Variants in MAST3 observed in about 807,000 individuals in gnomAD.
MAST3 encodes the protein microtubule associated serine/threonine kinase 3.
A neutral mutation model predicts 127.0 loss-of-function variants in MAST3; 43 were observed. The ratio of observed to expected loss-of-function variants is 0.34; its 90% CI spans 0.27 to 0.44. The LOEUF is 0.44. MAST3 is among the 20% of genes least tolerant of loss of function. The pLI, the probability that MAST3 is intolerant of heterozygous loss-of-function variation, is 1.00. For missense variants in MAST3, 1,390 were observed against 1,919.1 expected, an observed-to-expected ratio of 0.72 and a Z score of 5.15; for synonymous variants, 785 against 809.2, an observed-to-expected ratio of 0.97 and a Z score of 0.51.
In MAST3 at chr19:18,150,325, G is replaced by GC. The variant is rs2043449843; in HGVS notation, c.*604dup. ...TTATAAGCGATAGCCGTACTGAGCC[G>GC]CCCCCTGAAGGCGGCTGCCAGGTCT... On this transcript the variant is annotated 3_prime_UTR_variant, in exon 28 of 28. Transcript: ENST00000687212. 2 of 152,336 alleles carry GC rather than the reference G, an allele frequency of 1.3e-5. No homozygotes were observed. The highest frequency in any genetic ancestry group is 4.1e-4 in the South Asian group (2 of 4,842). The allele number at this position is 152,336 out of a possible 1,614,324, so 9.4% of individuals were successfully genotyped here.
chr19:18,144,109 C>T lies in MAST3; in HGVS notation c.2584+102C>T, dbSNP rs754142912. On this transcript the variant is annotated intron_variant, in intron 22 of 27. Coordinates refer to ENST00000687212, the MANE Select transcript of MAST3 (RefSeq NM_001393504.1). This position sits in a 1 kb window ranked among gnomAD's most constrained non-coding sequence, Gnocchi z 4.0. The stretch of plus-strand genomic sequence containing the variant: ...AGGATGAGTAGGAGTTCTCCAGAGC[C>T]AACAAAGGCTTTAAGAGAGGAGAAG... 131 of 1,440,724 alleles carry T rather than the reference C, an allele frequency of 9.1e-5. No individual in the cohort carries two copies. The highest frequency in any genetic ancestry group is 1.2e-4 in the Non-Finnish European group (125 of 1,085,524). 89.2% of individuals were successfully genotyped at this position (1,440,724 alleles called of 1,614,324 possible).
At chr19:18,129,071 G>A in intron 13 of MAST3, 120 bp downstream of exon 13, 1 of 819,508 alleles carries the variant, frequency 1.2e-6, no homozygotes, top group Non-Finnish European at 2.0e-6. Context: ...TCCTTGAATG[G>A]GCAGAGAAGG....
chr19:18,144,998 T>C lies in MAST3; in HGVS notation c.2813-5T>C. On this transcript the variant is annotated splice_region_variant and splice_polypyrimidine_tract_variant and intron_variant, in intron 23 of 27. Coordinates refer to ENST00000687212, the MANE Select transcript of MAST3 (RefSeq NM_001393504.1). This position sits in a 1 kb window ranked among gnomAD's most constrained non-coding sequence, Gnocchi z 4.0. The stretch of plus-strand genomic sequence containing the variant: ...GTGAGTGACCCCCTCCCTAACCCCC[T>C]GCAGATGATGGCAGCGGCGGCCCCC... 7.4e-7 allele frequency: 1 copy of C among 1,353,264 alleles called. No homozygotes were observed. The highest frequency in any genetic ancestry group is 1.0e-6 in the Non-Finnish European group (1 of 952,428). The allele number at this position is 1,353,264 out of a possible 1,614,324, so 83.8% of individuals were successfully genotyped here. A position where few individuals can be genotyped will look rare whatever the true frequency, so the allele number is the denominator to read the frequency against.
Position 18,145,684 on chromosome 19 carries a change from C to T in MAST3, c.3040-59C>T, listed in dbSNP as rs2042948313. 6.7e-7 allele frequency: 1 copy of T among 1,497,984 alleles called. No individual in the cohort carries two copies. The allele number at this position is 1,497,984 out of a possible 1,614,324, so 92.8% of individuals were successfully genotyped here. ...GGTCCCACAGCAGACCCAGCCTGGG[C>T]TGGGGTCCCCAGATGTGGGGCCCAG... On this transcript the variant is annotated intron_variant, in intron 24 of 27. Transcript: ENST00000687212. The surrounding 1 kb of genome is among the most constrained non-coding windows in gnomAD (Gnocchi z 5.9).
chr19:18,127,744 G>A (rs554124047), intron 11 of MAST3, among the ~76,000 whole-genome samples: 16 of 152,078 alleles, frequency 1.1e-4, no homozygotes, highest in Admixed American at 5.2e-4. Context: ...CTGTAATCCC[G>A]TCTACTTGGG....
Position 18,097,837 on chromosome 19 carries a change from G to T in MAST3, c.39+6G>T. On this transcript the variant is annotated splice_donor_region_variant and intron_variant, in intron 1 of 27. Transcript: ENST00000687212. ...TGCGGCGCCGCGGGCTCCAGGTGAG[G>T]CCCCTGCGCGGGCGGGCGGAAGGCA... 4.9e-6 allele frequency: 6 copies of T among 1,229,016 alleles called. No individual in the cohort carries two copies. The highest frequency in any genetic ancestry group is 6.1e-6 in the Non-Finnish European group (6 of 986,166). The allele number at this position is 1,229,016 out of a possible 1,614,324, so 76.1% of individuals were successfully genotyped here. A position where few individuals can be genotyped will look rare whatever the true frequency, so the allele number is the denominator to read the frequency against.
At chr19:18,147,231 G>A (rs1174200458) in intron 26 of MAST3, among the ~76,000 whole-genome samples, 187 bp downstream of exon 26, 1 of 149,584 alleles carries the variant, frequency 6.7e-6, no homozygotes, top group African/African-American at 2.5e-5. Flanking sequence ...AGCCCCCTAA[G>A]TAACTGGGAC....
Position 18,145,019 on chromosome 19 carries a change from C to T in MAST3, c.2829C>T (p.Gly943=). 6.3e-7 allele frequency: 1 copy of T among 1,584,192 alleles called. No homozygotes were observed. The stretch of plus-strand genomic sequence containing the variant: ...CCCCTGCAGATGATGGCAGCGGCGG[C>T]CCCCTCATGAGCCCCCTTTCCCCGC... ...LIITADDGSG[G]PLMSPLSPRS... The change falls in exon 24 of 28, where the codon GGC becomes GGT. Residue 943 remains glycine (G), a synonymous_variant. Transcript: ENST00000687212. This position sits in a 1 kb window ranked among gnomAD's most constrained non-coding sequence, Gnocchi z 5.9.
rs1416256087 is a variant in MAST3 at position 18,123,393 on chromosome 19, C to T, written c.557+19C>T. The T allele has an allele frequency of 1.2e-6, 2 of 1,600,718 alleles. No individual in the cohort carries two copies. The highest frequency in any genetic ancestry group is 8.5e-7 in the Non-Finnish European group (1 of 1,174,138). ...GTCTCAGGTGGGCCGCGACCTCTGGCCCCAGCCCCGGCCCCTCCCTGGGCT... is the reference window on the plus strand; with the variant it reads ...GTCTCAGGTGGGCCGCGACCTCTGGTCCCAGCCCCGGCCCCTCCCTGGGCT... On this transcript the variant is annotated intron_variant, in intron 7 of 27. Transcript: ENST00000687212.
intron 20 of MAST3, among the ~76,000 whole-genome samples, chr19:18,139,405 A>C (rs1443473962): frequency 6.6e-6 from 1 of 151,832 alleles, no homozygotes; most frequent in Non-Finnish European, 1.5e-5. Flanking sequence ...GCTCACCGCA[A>C]CCTCTGCCTT....
chr19:18,149,444 G>A lies in MAST3; in HGVS notation c.3762G>A (p.Pro1254=), dbSNP rs1029439363. The change falls in exon 28 of 28, where the codon CCG becomes CCA. Residue 1254 remains proline (P), a synonymous_variant. Coordinates refer to ENST00000687212, the MANE Select transcript of MAST3 (RefSeq NM_001393504.1). The surrounding 1 kb of genome is among the most constrained non-coding windows in gnomAD (Gnocchi z 5.9). ...PGHPPAPARS[P]RLRRGQSADK... is the part of the protein sequence containing the mutation. ...ACCCGCCCGCACCTGCCCGATCCCC[G>A]CGGCTGCGCCGGGGCCAGTCAGCTG... 5.9e-6 allele frequency: 9 copies of A among 1,526,700 alleles called. No homozygotes were observed. Among genetic ancestry groups the A allele is most frequent in the Admixed American group, 2.1e-5 (1 of 48,652 alleles). 94.6% of individuals were successfully genotyped at this position (1,526,700 alleles called of 1,614,324 possible). A position where few individuals can be genotyped will look rare whatever the true frequency, so the allele number is the denominator to read the frequency against.
chr19:18,114,594 C>T (rs2039009711), intron 3 of MAST3, among the ~76,000 whole-genome samples: 1 of 152,162 alleles, frequency 6.6e-6, no homozygotes, highest in East Asian at 1.9e-4. Flanking sequence ...CTGTCCTGGT[C>T]ATATCGTAGA....
chr19:18,144,909 G>A lies in MAST3; in HGVS notation c.2813-94G>A. 3 of 875,714 alleles carry A rather than the reference G, an allele frequency of 3.4e-6. No homozygotes were observed. Among genetic ancestry groups the A allele is most frequent in the Non-Finnish European group, 5.5e-6 (3 of 546,918 alleles). 54.2% of individuals were successfully genotyped at this position (875,714 alleles called of 1,614,324 possible). ...CCATGCTTGGGACATTGAAGCAACA[G>A]CAAAGTGGCCAGGGTGGTCGTTGTG... On this transcript the variant is annotated intron_variant, in intron 23 of 27. Transcript: ENST00000687212. The surrounding 1 kb of genome is among the most constrained non-coding windows in gnomAD (Gnocchi z 4.0).
chr19:18,116,085 ATTATCTT>A (rs2039188713), intron 3 of MAST3, among the ~76,000 whole-genome samples: 1 of 93,568 alleles, frequency 1.1e-5, no homozygotes, highest in Non-Finnish European at 2.0e-5. Context: ...GGTATTTGAA[ATTATCTT>A]TTTTTTTTTT....
At position 18,144,341 on chromosome 19, in the gene MAST3, C is replaced by G; in HGVS notation, c.2585-125C>G. 1.2e-6 allele frequency: 1 copy of G among 840,272 alleles called. No individual in the cohort carries two copies. The allele number at this position is 840,272 out of a possible 1,614,324, so 52.1% of individuals were successfully genotyped here. ...GGGAAGGGAGTGCAGGAAGAGGGAACTGCATGAGCAAAGGCCAGGAGGCTG... is the reference window on the plus strand; with the variant it reads ...GGGAAGGGAGTGCAGGAAGAGGGAAGTGCATGAGCAAAGGCCAGGAGGCTG... On this transcript the variant is annotated intron_variant, in intron 22 of 27. Transcript: ENST00000687212. This position sits in a 1 kb window ranked among gnomAD's most constrained non-coding sequence, Gnocchi z 4.0.
chr19:18,101,368 TCTC>T (rs79073885), intron 1 of MAST3, among the ~76,000 whole-genome samples: 9 of 142,436 alleles, frequency 6.3e-5, no homozygotes, highest in South Asian at 2.2e-4. Context: ...TCCTTCTCCT[TCTC>T]CTCCTCCTCC....
intron 3 of MAST3, among the ~76,000 whole-genome samples, chr19:18,118,814 G>C (rs2039611863): frequency 6.6e-6 from 1 of 152,166 alleles, no homozygotes; most frequent in South Asian, 2.1e-4. Context: ...GCCACTACCA[G>C]GCTGTGTGAC....
chr19:18,149,934 G>A lies in MAST3; in HGVS notation c.*208G>A, dbSNP rs2043412888. 1 of 566,224 alleles carries A rather than the reference G, an allele frequency of 1.8e-6. No individual in the cohort carries two copies. Among genetic ancestry groups the A allele is most frequent in the Non-Finnish European group, 2.9e-6 (1 of 339,790 alleles). The allele number at this position is 566,224 out of a possible 1,614,324, so 35.1% of individuals were successfully genotyped here. On this transcript the variant is annotated 3_prime_UTR_variant, in exon 28 of 28. Transcript: ENST00000687212. The surrounding 1 kb of genome is among the most constrained non-coding windows in gnomAD (Gnocchi z 5.9). ...TGGGGCAAGAATGGGGGACAAGGGT[G>A]GCTTTGTAAATAGCAGCAAATCCCT...
rs750492379 is a variant in MAST3, at chr19:18,103,140, G to A, written c.40-4447G>A. On this transcript the variant is annotated intron_variant, in intron 1 of 27. Coordinates refer to ENST00000687212, the MANE Select transcript of MAST3 (RefSeq NM_001393504.1). The stretch of plus-strand genomic sequence containing the variant: ...GTGGAAAGCAGATGGTGCGGGGACC[G>A]AAGGGTCCGGGAGTGGTGCCAGGAG... Among the ~76,000 whole-genome samples, 11 of 152,294 alleles carry A rather than the reference G, an allele frequency of 7.2e-5. No homozygotes were observed. In the South Asian group the frequency reaches 8.3e-4, roughly 11 times the overall value.
Sources: allele counts gnomAD v4.1 joint callset (sites outside exome capture counted in the v4.1 genomes callset), GRCh38; gene constraint gnomAD v4.1.1; non-coding constraint Gnocchi (gnomAD v3.1); transcripts MANE v1.5; gene names NCBI Gene and HGNC (gene_info 2026-07-23, HGNC 2026-07-21).